Variants in NAALADL2 observed in about 807,000 individuals in gnomAD.
NAALADL2 encodes inactive N-acetylated-alpha-linked acidic dipeptidase-like protein 2.
NAALADL2 carries 76 observed loss-of-function variants against 87.2 expected under a neutral mutation model. That is an observed-to-expected ratio of 0.87 (90% CI 0.72 to 1.05). The LOEUF (loss-of-function observed/expected upper bound fraction) is 1.05, where lower values mean the gene tolerates loss of function less well. Among genes scored for constraint, NAALADL2 ranks in the 50% least tolerant of loss-of-function variants. The pLI is 0.00. For missense variants in NAALADL2, 1,089 were observed against 945.8 expected, an observed-to-expected ratio of 1.15 and a Z score of -1.99; for synonymous variants, 354 against 331.0, an observed-to-expected ratio of 1.07 and a Z score of -0.75.
rs75205017 is a variant in NAALADL2 at position 174,561,965 on chromosome 3, T to A, written c.-115+11328T>A. On this transcript the variant is annotated intron_variant, in intron 2 of 3. Transcript: ENST00000434257. ...TCAATTCTGGAAAATTCTTCCATAA[T>A]CCTATTTTCAAAATATTTTTCTACA... is the stretch of plus-strand genomic sequence containing the variant. Among the ~76,000 whole-genome samples, 884 of 152,256 alleles carry A rather than the reference T, an allele frequency of 5.8e-3. 13 individuals carry two copies. Among genetic ancestry groups the A allele is most frequent in the African/African-American group, 0.02 (828 of 41,564 alleles).
At chr3:174,665,597 G>A (rs1455475628) in intron 2 of NAALADL2, among the ~76,000 whole-genome samples, 1 of 152,186 alleles carries the variant, frequency 6.6e-6, no homozygotes, top group African/African-American at 2.4e-5. Flanking sequence ...GGCAATATTT[G>A]AGTCCAGGTT....
chr3:175,602,800 A>T (rs913891494), intron 10 of NAALADL2, among the ~76,000 whole-genome samples: 2 of 152,196 alleles, frequency 1.3e-5, no homozygotes. Context: ...TAAATTCCAT[A>T]TGCAGGGTTT....
At chr3:175,403,499 T>C (rs1711726591) in intron 5 of NAALADL2, among the ~76,000 whole-genome samples, 1 of 152,144 alleles carries the variant, frequency 6.6e-6, no homozygotes, top group Non-Finnish European at 1.5e-5. Context: ...GGTACTAAAA[T>C]AGATAGCTCA....
intron 6 of NAALADL2, among the ~76,000 whole-genome samples, chr3:175,453,773 C>G (rs1721919459): frequency 6.6e-6 from 1 of 152,076 alleles, no homozygotes; most frequent in Admixed American, 6.6e-5. Flanking sequence ...GCCACTTAGA[C>G]TAAGTTCCTT....
intron 4 of NAALADL2, among the ~76,000 whole-genome samples, chr3:175,300,461 C>T (rs924117846): frequency 6.6e-6 from 1 of 152,102 alleles, no homozygotes; most frequent in Non-Finnish European, 1.5e-5. Context: ...GCCTCAATTT[C>T]AGAACTTGTT....
intron 3 of NAALADL2, among the ~76,000 whole-genome samples, chr3:174,834,659 A>G (rs1407425320): frequency 6.6e-6 from 1 of 151,910 alleles, no homozygotes; most frequent in African/African-American, 2.4e-5. Flanking sequence ...CTAGTAAAAT[A>G]CTATTAAAAA....
intron 2 of NAALADL2, among the ~76,000 whole-genome samples, chr3:175,134,517 T>C (rs1293769923): frequency 1.3e-5 from 2 of 152,214 alleles, no homozygotes; most frequent in African/African-American, 4.8e-5. Context: ...TGGTATTTTG[T>C]GTGCATAATC....
chr3:175,623,529 A>G (rs10936865), intron 10 of NAALADL2, among the ~76,000 whole-genome samples: 113,037 of 151,938 alleles, frequency 0.74, 42,643 homozygotes, highest in East Asian at 0.88. Context: ...TGGAAGAAGG[A>G]TATGTGAAAA....
intron 2 of NAALADL2, among the ~76,000 whole-genome samples, chr3:175,117,459 A>G (rs1362880258): frequency 6.6e-6 from 1 of 152,174 alleles, no homozygotes; most frequent in Non-Finnish European, 1.5e-5. Flanking sequence ...AAAGGATATG[A>G]ACAGACACTT....
intron 5 of NAALADL2, among the ~76,000 whole-genome samples, chr3:175,371,453 G>C (rs1310167863): frequency 6.6e-6 from 1 of 151,956 alleles, no homozygotes; most frequent in Non-Finnish European, 1.5e-5. Context: ...ATTTTTAGTA[G>C]AGATGGGGTT....
intron 9 of NAALADL2, among the ~76,000 whole-genome samples, chr3:175,510,412 C>G (rs1482294766): frequency 6.6e-6 from 1 of 152,050 alleles, no homozygotes; most frequent in Non-Finnish European, 1.5e-5. Context: ...TTGTTCATTC[C>G]CACATGAATG....
intron 1 of NAALADL2, among the ~76,000 whole-genome samples, chr3:175,021,073 AT>A (rs1464372121): frequency 6.6e-6 from 1 of 152,050 alleles, no homozygotes; most frequent in Non-Finnish European, 1.5e-5. Context: ...ACTTTTCTGA[AT>A]TTTTGTGATT....
intron 2 of NAALADL2, among the ~76,000 whole-genome samples, chr3:174,638,049 T>A (rs1187596654): frequency 3.3e-5 from 5 of 152,178 alleles, no homozygotes; most frequent in Admixed American, 2.0e-4. Flanking sequence ...TCAAATAATA[T>A]CATAGTAATA....
At chr3:175,732,767 T>G (rs73881367) in intron 11 of NAALADL2, among the ~76,000 whole-genome samples, 21,448 of 152,046 alleles carry the variant, frequency 0.14, 1,615 homozygotes, top group Middle Eastern at 0.19. Flanking sequence ...GGGATAAGAC[T>G]CTGCAAAGAT....
rs1311325384 is a variant in NAALADL2, at chr3:174,508,114, G to GTTTTTTTTT, written c.-183-42446_-183-42438dup. Among the ~76,000 whole-genome samples, 387 of 103,862 alleles carry GTTTTTTTTT rather than the reference G, an allele frequency of 3.7e-3. 23 individuals are homozygous for GTTTTTTTTT. Among genetic ancestry groups the GTTTTTTTTT allele is most frequent in the African/African-American group, 0.013 (363 of 28,156 alleles). The allele number at this position is 103,862 out of a possible 152,430, so 68.1% of individuals were successfully genotyped here. A position where few individuals can be genotyped will look rare whatever the true frequency, so the allele number is the denominator to read the frequency against. On this transcript the variant is annotated intron_variant, in intron 1 of 3. Transcript: ENST00000434257. ...AATTTTAGCTATTGGATATCTAGTGGTTTTTTTTTTTTTTTTTGAGACGAA... is the reference window on the plus strand; with the variant it reads ...AATTTTAGCTATTGGATATCTAGTGGTTTTTTTTTTTTTTTTTTTTTTTTTTGAGACGAA...
chr3:175,304,073 G>A (rs1757407894), intron 4 of NAALADL2, among the ~76,000 whole-genome samples: 1 of 151,870 alleles, frequency 6.6e-6, no homozygotes, highest in Non-Finnish European at 1.5e-5. Flanking sequence ...AAATCCAAAT[G>A]TTGATTTTCT....
intron 2 of NAALADL2, among the ~76,000 whole-genome samples, chr3:175,170,864 G>T (rs557372294): frequency 6.6e-6 from 1 of 151,716 alleles, no homozygotes; most frequent in African/African-American, 2.4e-5. Context: ...ATACAAAATT[G>T]TATATTCAGT....
chr3:175,338,709 G>A (rs1409477404), intron 5 of NAALADL2, among the ~76,000 whole-genome samples: 1 of 148,786 alleles, frequency 6.7e-6, no homozygotes, highest in Non-Finnish European at 1.5e-5. Flanking sequence ...GATGTGAAGA[G>A]TTTAGGAACT....
intron 11 of NAALADL2, among the ~76,000 whole-genome samples, chr3:175,685,283 A>C (rs1369781504): frequency 6.6e-6 from 1 of 152,156 alleles, no homozygotes; most frequent in African/African-American, 2.4e-5. Flanking sequence ...CCTAGCATCA[A>C]GTCCAATTGT....
Sources: gnomAD v4.1 joint callset for allele counts (sites outside exome capture counted in the v4.1 genomes callset) on GRCh38, gnomAD v4.1.1 for gene constraint, MANE v1.5 for transcripts, NCBI Gene and HGNC (gene_info 2026-07-23, HGNC 2026-07-21) for gene names.